The following BLVRA variants were observed in gnomAD, a reference collection of about 807,000 sequenced individuals.
BLVRA encodes the protein biliverdin reductase A, also known as BVR A.
BLVRA carries 22 observed loss-of-function variants against 32.8 expected under a neutral mutation model. The observed-to-expected ratio is 0.67, with a 90% CI of 0.48 to 0.96. The LOEUF is 0.96. Ranked by LOEUF, BLVRA falls within the 40% of genes least tolerant of loss-of-function variation. BLVRA has a pLI of 0.00. For missense variants in BLVRA, 323 were observed against 358.1 expected, an observed-to-expected ratio of 0.90 and a Z score of 0.79; for synonymous variants, 119 against 141.3, an observed-to-expected ratio of 0.84 and a Z score of 1.12.
chr7:43,761,269 TAGA>T (rs145715570), intron 1 of BLVRA, among the ~76,000 whole-genome samples: 1,850 of 152,074 alleles, frequency 0.012, 28 homozygotes, highest in African/African-American at 0.043. Flanking sequence ...AACAAATAAA[TAGA>T]AGATAAATAT....
chr7:43,765,186 CT>C (rs2095746477), intron 1 of BLVRA, among the ~76,000 whole-genome samples: 1 of 152,216 alleles, frequency 6.6e-6, no homozygotes. Flanking sequence ...TAGTGAGTCA[CT>C]GCAGCCTGAG....
intron 5 of BLVRA, among the ~76,000 whole-genome samples, chr7:43,794,594 G>T (rs2095789725): frequency 6.6e-6 from 1 of 152,126 alleles, no homozygotes; most frequent in African/African-American, 2.4e-5. Context: ...AATTAGCTGG[G>T]CGTGGTGGCG....
chr7:43,766,954 G>A (rs2095748896), intron 1 of BLVRA, among the ~76,000 whole-genome samples: 1 of 152,126 alleles, frequency 6.6e-6, no homozygotes, highest in African/African-American at 2.4e-5. Flanking sequence ...CTGTGATCAT[G>A]CGTGCCACTG....
In BLVRA at chr7:43,796,134, A is replaced by G. The variant is rs556973829; in HGVS notation, c.352+3322A>G. Among the ~76,000 whole-genome samples, 22 of 150,758 alleles carry G rather than the reference A, an allele frequency of 1.5e-4. No individual in the cohort carries two copies. The East Asian group carries it at 3.9e-3, about 27-fold the overall frequency. On this transcript the variant is annotated intron_variant, in intron 5 of 7. Transcript: ENST00000265523. ...GACTCTGTCTCACAAAAAAAAAAAA[A>G]AAAGAAAAGAAAAGAAAAGAAAAAA...
intron 2 of BLVRA, among the ~76,000 whole-genome samples, chr7:43,772,596 A>G (rs2095755869): frequency 6.6e-6 from 1 of 152,244 alleles, no homozygotes; most frequent in African/African-American, 2.4e-5. Flanking sequence ...AAGACTGGGT[A>G]ATTTAAAAAG....
intron 6 of BLVRA, among the ~76,000 whole-genome samples, chr7:43,801,046 C>T (rs1335881614): frequency 6.6e-6 from 1 of 152,086 alleles, no homozygotes; most frequent in Non-Finnish European, 1.5e-5. Context: ...GTTGCCCAGG[C>T]TGGAGTGCAG....
rs1049810580 is a variant in BLVRA at position 43,782,088 on chromosome 7, G to A, written c.13-5816G>A. On this transcript the variant is annotated intron_variant, in intron 2 of 7. Transcript: ENST00000265523. ...CCCTCCTGCTTTGACTGTAGCTGTCGGGGTGCCTCGCTCATCTTAGCATCC... is the reference window on the plus strand; with the variant it reads ...CCCTCCTGCTTTGACTGTAGCTGTCAGGGTGCCTCGCTCATCTTAGCATCC... Among the ~76,000 whole-genome samples, 10 of 152,202 alleles carry A rather than the reference G, an allele frequency of 6.6e-5. No homozygotes were observed. In the East Asian group the frequency reaches 7.7e-4, roughly 12 times the overall value.
intron 1 of BLVRA, chr7:43,767,195 A>C (rs1328914385): frequency 3.3e-6 from 2 of 604,484 alleles, no homozygotes; most frequent in Non-Finnish European, 5.9e-6. Flanking sequence ...AATGTTCTGT[A>C]GGCCACTTTT....
At chr7:43,789,036 TAC>T (rs142859818) in intron 3 of BLVRA, among the ~76,000 whole-genome samples, 45 of 149,446 alleles carry the variant, frequency 3.0e-4, no homozygotes, top group South Asian at 1.3e-3. Flanking sequence ...CTCACCCCTG[TAC>T]ACACACACAC....
intron 2 of BLVRA, among the ~76,000 whole-genome samples, chr7:43,786,146 A>G (rs1264726271): frequency 6.6e-6 from 1 of 152,238 alleles, no homozygotes; most frequent in Non-Finnish European, 1.5e-5. Context: ...TAAGAAACTA[A>G]CTATAGCTAT....
chr7:43,799,962 C>G (rs571997899), intron 5 of BLVRA, among the ~76,000 whole-genome samples: 1 of 151,520 alleles, frequency 6.6e-6, no homozygotes, highest in African/African-American at 2.4e-5. Flanking sequence ...CTCTTTTTTT[C>G]TTTTTCTTTT....
rs145679201 is a variant in BLVRA at position 43,787,907 on chromosome 7, G to A, written c.16G>A (p.Glu6Lys). MNAEPERKFGVVVVGV... is the reference protein window; with the variant it reads MNAEPKRKFGVVVVGV... ...ACCTTGGTCCCTTGTGTTTCAGCCC[G>A]AGAGGAAGTTTGGCGTGGTGGTGGT... The change falls in exon 3 of 8, where the codon GAG (glutamate) becomes AAG (lysine). Residue 6 changes from glutamate (E) to lysine (K), a missense_variant. Transcript: ENST00000265523. The surrounding 1 kb of genome is among the most constrained non-coding windows in gnomAD (Gnocchi z 4.5). 7.4e-6 allele frequency: 12 copies of A among 1,614,026 alleles called. No individual in the cohort carries two copies. In the African/African-American group the frequency reaches 8.0e-5, roughly 11 times the overall value.
chr7:43,760,142 TG>T (rs2095740723), intron 1 of BLVRA: 1 of 152,094 alleles, frequency 6.6e-6, no homozygotes, highest in Non-Finnish European at 1.5e-5. Flanking sequence ...CCCAAAGTGC[TG>T]GGATTATAAC....
At chr7:43,801,303 G>A (rs2095798395) in intron 6 of BLVRA, among the ~76,000 whole-genome samples, 1 of 152,164 alleles carries the variant, frequency 6.6e-6, no homozygotes, top group South Asian at 2.1e-4. Context: ...GCTGACCACA[G>A]TATCTGATCT....
At position 43,778,037 on chromosome 7, in the gene BLVRA, C is replaced by A. The variant is rs2095763540; in HGVS notation, c.12+6867C>A. 3.3e-5 allele frequency among the ~76,000 whole-genome samples: 5 copies of A among 152,178 alleles called. No homozygotes were observed. In the South Asian group the frequency reaches 1.0e-3, roughly 32 times the overall value. Reference sequence around the variant, plus strand: ...CTCTGTATTGGTTATTCTAGTTATACATTCATCTAATTTTTTTTCAAAGTT... The same window carrying A: ...CTCTGTATTGGTTATTCTAGTTATAAATTCATCTAATTTTTTTTCAAAGTT... On this transcript the variant is annotated intron_variant, in intron 2 of 7. Coordinates refer to ENST00000265523, the MANE Select transcript of BLVRA (RefSeq NM_000712.4).
intron 2 of BLVRA, among the ~76,000 whole-genome samples, chr7:43,779,443 A>G (rs1028695411): frequency 6.6e-6 from 1 of 152,260 alleles, no homozygotes. Flanking sequence ...GTCAGGGTCA[A>G]TGATGATCTC....
intron 1 of BLVRA, among the ~76,000 whole-genome samples, chr7:43,766,430 G>A (rs7804638): frequency 1.3e-5 from 2 of 151,822 alleles, no homozygotes; most frequent in Non-Finnish European, 2.9e-5. Flanking sequence ...CATTTAAATA[G>A]TACACCTTTG....
chr7:43,796,123 A>G (rs1475194119), intron 5 of BLVRA, among the ~76,000 whole-genome samples: 2 of 141,918 alleles, frequency 1.4e-5, no homozygotes, highest in East Asian at 2.0e-4. Flanking sequence ...CTGTCTCACA[A>G]AAAAAAAAAA....
chr7:43,789,936 C>T (rs1180288017), intron 3 of BLVRA, among the ~76,000 whole-genome samples: 7 of 151,636 alleles, frequency 4.6e-5, no homozygotes, highest in East Asian at 1.9e-4. Context: ...CATTGAAAGG[C>T]GATGATTTTA....
Sources: gnomAD v4.1 joint callset for allele counts (sites outside exome capture counted in the v4.1 genomes callset) on GRCh38, gnomAD v4.1.1 for gene constraint, Gnocchi (gnomAD v3.1) non-coding constraint, MANE v1.5 for transcripts, NCBI Gene and HGNC (gene_info 2026-07-23, HGNC 2026-07-21) for gene names.